Variants in EFHB observed in about 807,000 individuals in gnomAD.
EFHB encodes EF-hand domain-containing family member B.
In EFHB, 91 loss-of-function variants were observed where a neutral mutation model predicts 87.2. The observed-to-expected ratio is 1.04, with a 90% CI of 0.88 to 1.24. The LOEUF is 1.24. EFHB is among the 50% of genes most tolerant of loss of function. The pLI is 0.00. For missense variants in EFHB, 1,084 were observed against 998.8 expected, an observed-to-expected ratio of 1.09 and a Z score of -1.15; for synonymous variants, 325 against 333.6, an observed-to-expected ratio of 0.97 and a Z score of 0.28.
chr3:19,880,950 G>A (rs188170481), intron 12 of EFHB, among the ~76,000 whole-genome samples: 69 of 151,428 alleles, frequency 4.6e-4, no homozygotes, highest in Admixed American at 9.9e-4. Context: ...GGTTAGAAGC[G>A]AATAGCCAAA....
At position 19,884,439 on chromosome 3, in the gene EFHB, CAGA is replaced by C; in HGVS notation, c.2107_2109del (p.Ser703del). The C allele has an allele frequency of 6.2e-7, 1 of 1,613,834 alleles. No homozygotes were observed. The highest frequency in any genetic ancestry group is 8.5e-7 in the Non-Finnish European group (1 of 1,179,846). On this transcript the variant is annotated inframe_deletion, in exon 11 of 13. Coordinates refer to ENST00000295824, the MANE Select transcript of EFHB (RefSeq NM_144715.4). ...ATGGCTCCTACAATTGCATTGATCTCAGAAGAAGTTGTCTTATAGTAGTTGGAA... is the reference window on the plus strand; with the variant it reads ...ATGGCTCCTACAATTGCATTGATCTCAGAAGTTGTCTTATAGTAGTTGGAA...
At chr3:19,904,864 C>A (rs1016289083) in intron 6 of EFHB, among the ~76,000 whole-genome samples, 1 of 152,138 alleles carries the variant, frequency 6.6e-6, no homozygotes, top group African/African-American at 2.4e-5. Flanking sequence ...CCAGTATCCA[C>A]AATCTTCTGA....
At chr3:19,936,710 A>G (rs1157175696), upstream of EFHB, among the ~76,000 whole-genome samples, 2 of 151,924 alleles carry the variant, frequency 1.3e-5, no homozygotes, top group African/African-American at 4.8e-5. Context: ...TCTACTAAAA[A>G]TACAAAAATG....
chr3:19,931,888 C>CTCA (rs1239439426), intron 1 of EFHB, among the ~76,000 whole-genome samples: 1 of 152,294 alleles, frequency 6.6e-6, no homozygotes, highest in East Asian at 1.9e-4. Flanking sequence ...CACTGACCAC[C>CTCA]TCATGTCAAT....
intron 7 of EFHB, among the ~76,000 whole-genome samples, 197 bp downstream of exon 7, chr3:19,899,235 T>G (rs115945137): frequency 0.011 from 1,657 of 152,362 alleles, 22 homozygotes; most frequent in African/African-American, 0.038. Context: ...CTCCAGTGCC[T>G]TCTGCATTTT....
At chr3:19,943,898 C>A (rs992377402) in intron 1 of EFHB, among the ~76,000 whole-genome samples, 6 of 152,152 alleles carry the variant, frequency 3.9e-5, no homozygotes, top group Non-Finnish European at 7.3e-5. Context: ...GTTATGAAGA[C>A]AATGCATAAT....
At chr3:19,908,588 GAGAGAGAGAGAGAAAGAAAGAAAGAA>G (rs1694931370) in intron 5 of EFHB, among the ~76,000 whole-genome samples, 3 of 121,768 alleles carry the variant, frequency 2.5e-5, no homozygotes, top group African/African-American at 7.9e-5. Flanking sequence ...GAGAGAGAGA[GAGAGAGAGAGAGAAAGAAAGAAAGAA>G]AGAAAGAAAG....
chr3:19,935,434 G>T (rs1695988804), upstream of EFHB, among the ~76,000 whole-genome samples: 1 of 152,166 alleles, frequency 6.6e-6, no homozygotes, highest in African/African-American at 2.4e-5. Flanking sequence ...GAATTAGGCT[G>T]GGCACAGTGG....
chr3:19,931,688 T>C (rs184929970), intron 1 of EFHB, among the ~76,000 whole-genome samples: 132 of 152,360 alleles, frequency 8.7e-4, no homozygotes, highest in African/African-American at 3.0e-3. Flanking sequence ...TCAATACCAA[T>C]GTCTCAGACT....
At chr3:19,894,949 ACTC>A (rs1694424782) in intron 9 of EFHB, 1 of 150,328 alleles carries the variant, frequency 6.7e-6, no homozygotes, top group Non-Finnish European at 1.5e-5. Flanking sequence ...ACGCCATTGC[ACTC>A]CAGCCTGGGG....
chr3:19,903,645 T>C (rs1189974665), intron 6 of EFHB, among the ~76,000 whole-genome samples: 1 of 152,212 alleles, frequency 6.6e-6, no homozygotes, highest in Non-Finnish European at 1.5e-5. Flanking sequence ...AGGGTTACTA[T>C]GATACTGTAA....
intron 1 of EFHB, chr3:19,940,702 T>C (rs1006786974): frequency 2.8e-6 from 1 of 351,106 alleles, no homozygotes; most frequent in Non-Finnish European, 5.7e-6. Context: ...TTTCCTGTAC[T>C]CTTGTGCACA....
chr3:19,888,748 C>T (rs1694197961), intron 9 of EFHB, 97 bp from the exon 10 acceptor site: 13 of 1,000,178 alleles, frequency 1.3e-5, no homozygotes, highest in African/African-American at 1.6e-5. Context: ...ATAGCTTCAT[C>T]ACATAAATTC....
intron 1 of EFHB, chr3:19,940,873 C>A: frequency 2.8e-6 from 1 of 359,814 alleles, no homozygotes; most frequent in South Asian, 2.7e-5. Flanking sequence ...ATAAGCACAT[C>A]AGGCTGCCTG....
At position 19,931,319 on chromosome 3, in the gene EFHB, G is replaced by A. The variant is rs1406784880; in HGVS notation, c.789+1911C>T. 2.0e-5 allele frequency among the ~76,000 whole-genome samples: 3 copies of A among 152,202 alleles called. No homozygotes were observed. In the East Asian group the frequency reaches 5.8e-4, roughly 29 times the overall value. On this transcript the variant is annotated intron_variant, in intron 1 of 12. Coordinates refer to ENST00000295824, the MANE Select transcript of EFHB (RefSeq NM_144715.4). ...TTTCTTGTCCTATCACATTTAGAAA[G>A]GAAGGTATGCGAAGTGGGAGGAAGC... is the stretch of plus-strand genomic sequence containing the variant.
intron 9 of EFHB, 146 bp from the exon 10 acceptor site, chr3:19,888,797 G>T: frequency 1.5e-6 from 1 of 680,010 alleles, no homozygotes; most frequent in Non-Finnish European, 2.5e-6. Context: ...AGTCAAATAC[G>T]CTGGTTAGAC....
upstream of EFHB, among the ~76,000 whole-genome samples, chr3:19,934,649 T>C (rs1037858144): frequency 4.6e-5 from 7 of 152,176 alleles, no homozygotes; most frequent in Admixed American, 1.3e-4. Context: ...ACAGTCGTTT[T>C]AGAATGGTTT....
At chr3:19,908,653 A>T (rs866470614) in intron 5 of EFHB, among the ~76,000 whole-genome samples, 9 of 151,234 alleles carry the variant, frequency 6.0e-5, no homozygotes, top group African/African-American at 2.2e-4. Flanking sequence ...AGAAAGAAAG[A>T]AAAAGAAAGT....
At chr3:19,925,241 C>CAAA (rs968867573) in intron 1 of EFHB, among the ~76,000 whole-genome samples, 58 of 62,058 alleles carry the variant, frequency 9.3e-4, no homozygotes, top group African/African-American at 2.7e-3. Flanking sequence ...GACTCCTTCT[C>CAAA]AAAAAAAAAA....
Sources: gnomAD v4.1 joint callset for allele counts (sites outside exome capture counted in the v4.1 genomes callset) on GRCh38, gnomAD v4.1.1 for gene constraint, MANE v1.5 for transcripts, NCBI Gene and HGNC (gene_info 2026-07-23, HGNC 2026-07-21) for gene names.